SNIP1: variants seen among roughly 807,000 people sequenced by gnomAD.
SNIP1 encodes smad nuclear-interacting protein 1.
SNIP1 carries 23 observed loss-of-function variants against 37.4 expected under a neutral mutation model. That is an observed-to-expected ratio of 0.61 (90% CI 0.44 to 0.87). The LOEUF (loss-of-function observed/expected upper bound fraction) is 0.87. Ranked by LOEUF, SNIP1 falls within the 40% of genes least tolerant of loss-of-function variation. The pLI, the probability that SNIP1 is intolerant of heterozygous loss-of-function variation, is 0.00. For synonymous variants in SNIP1, 174 were observed against 200.0 expected (o/e 0.87, Z 1.10); for missense variants, 459 against 540.4 (o/e 0.85, Z 1.49).
At chr1:37,539,760 T>C (rs1333746011) in intron 3 of SNIP1, among the ~76,000 whole-genome samples, 2 of 152,170 alleles carry the variant, frequency 1.3e-5, no homozygotes, top group Non-Finnish European at 2.9e-5. Flanking sequence ...GTGAGAATCA[T>C]CACAGATGTC....
At chr1:37,548,273 C>A (rs972723954) in intron 2 of SNIP1, among the ~76,000 whole-genome samples, 1 of 150,620 alleles carries the variant, frequency 6.6e-6, no homozygotes, top group South Asian at 2.1e-4. Context: ...CCTAATACAA[C>A]GTAAATGCTA....
chr1:37,538,065 A>G lies in SNIP1; in HGVS notation c.927-53T>C, dbSNP rs1024751244. On this transcript the variant is annotated intron_variant, in intron 3 of 3. Transcript: ENST00000296215. ...AGCAAACTTCTGCCTCAGATCATCC[A>G]GCTTCTCTAAAGCTCTTTGCTAAGA... The G allele has an allele frequency of 7.2e-6, 11 of 1,533,110 alleles. No homozygotes were observed. The African/African-American group carries it at 1.4e-4, about 19-fold the overall frequency. 95.0% of individuals were successfully genotyped at this position (1,533,110 alleles called of 1,614,324 possible).
At chr1:37,553,869 G>A (rs753105512) in intron 1 of SNIP1, 137 bp downstream of exon 1, 71 of 847,730 alleles carry the variant, frequency 8.4e-5, no homozygotes, top group Non-Finnish European at 1.2e-4. Context: ...AGCACGACTG[G>A]ATCACTCTCA....
intron 2 of SNIP1, among the ~76,000 whole-genome samples, chr1:37,551,285 A>G (rs955428119): frequency 2.0e-5 from 3 of 151,278 alleles, no homozygotes; most frequent in Non-Finnish European, 4.4e-5. Context: ...AAAAAAAAAA[A>G]GGAAAACGCA....
rs755996434 is a variant in SNIP1 at position 37,540,650 on chromosome 1, C to A, written c.433G>T (p.Gly145Cys). 1 of 1,614,106 alleles carries A rather than the reference C, an allele frequency of 6.2e-7. No homozygotes were observed. The highest frequency in any genetic ancestry group is 2.2e-5 in the East Asian group (1 of 44,878). ...ARNSDRDRHR[G>C]HSHQRRTSNE... Reference sequence around the variant, plus strand: ...GACGTTCTCCTTTGGTGGGAATGGCCCCGGTGTCTGTCCCGGTCACTGTTC... The same window carrying A: ...GACGTTCTCCTTTGGTGGGAATGGCACCGGTGTCTGTCCCGGTCACTGTTC... The change falls in exon 3 of 4, where the codon GGC becomes TGC. Residue 145 changes from glycine to cysteine, a missense_variant. Coordinates refer to ENST00000296215, the MANE Select transcript of SNIP1 (RefSeq NM_024700.4). This position sits in a 1 kb window ranked among gnomAD's most constrained non-coding sequence, Gnocchi z 5.6.
intron 2 of SNIP1, among the ~76,000 whole-genome samples, chr1:37,546,656 G>A (rs777744249): frequency 2.0e-5 from 3 of 152,094 alleles, no homozygotes; most frequent in Non-Finnish European, 2.9e-5. Context: ...CCTGGGTGAC[G>A]GAGTGAGACT....
rs2148111485 is a variant in SNIP1, at chr1:37,537,631, AG to A, written c.*116del. The A allele has an allele frequency of 9.5e-7, 1 of 1,056,028 alleles. No individual in the cohort carries two copies. The highest frequency in any genetic ancestry group is 1.4e-6 in the Non-Finnish European group (1 of 718,292). The allele number at this position is 1,056,028 out of a possible 1,614,324, so 65.4% of individuals were successfully genotyped here. On this transcript the variant is annotated 3_prime_UTR_variant, in exon 4 of 4. Transcript: ENST00000296215. ...CAGCAACAGAGGAAAGACTTAAGGC[AG>A]TAAGAGGCATTACAGAGAGCACCAT...
At position 37,552,627 on chromosome 1, in the gene SNIP1, A is replaced by G; in HGVS notation, c.327+18T>C. The G allele has an allele frequency of 6.2e-7, 1 of 1,606,134 alleles. No homozygotes were observed. Among genetic ancestry groups the G allele is most frequent in the Non-Finnish European group, 8.5e-7 (1 of 1,172,776 alleles). On this transcript the variant is annotated intron_variant, in intron 2 of 3. Coordinates refer to ENST00000296215, the MANE Select transcript of SNIP1 (RefSeq NM_024700.4). ...AGGCTCTCAATTTGGACCCATCAAA[A>G]CACCCCAATCCACTTACCTGCTTCA...
intron 2 of SNIP1, 88 bp downstream of exon 2, chr1:37,552,557 C>T: frequency 9.0e-7 from 1 of 1,107,900 alleles, no homozygotes; most frequent in Non-Finnish European, 1.4e-6. Flanking sequence ...CATGTGTGCA[C>T]ACACACAACA....
At chr1:37,550,054 C>CAAA (rs1213637818) in intron 2 of SNIP1, among the ~76,000 whole-genome samples, 1 of 151,306 alleles carries the variant, frequency 6.6e-6, no homozygotes, top group South Asian at 2.1e-4. Context: ...AAAACAAAAA[C>CAAA]AAAACAAAAC....
Position 37,554,232 on chromosome 1 carries a change from T to C in SNIP1, c.-3A>G. 6 of 1,592,008 alleles carry C rather than the reference T, an allele frequency of 3.8e-6. No individual in the cohort carries two copies. The highest frequency in any genetic ancestry group is 5.1e-6 in the Non-Finnish European group (6 of 1,166,988). On this transcript the variant is annotated 5_prime_UTR_variant, in exon 1 of 4. Coordinates refer to ENST00000296215, the MANE Select transcript of SNIP1 (RefSeq NM_024700.4). ...CGTTCGCTCTTCACCGCCTTCATTC[T>C]GTGATTTTGGCTGGGCGAAAGAAAA...
intron 1 of SNIP1, among the ~76,000 whole-genome samples, chr1:37,553,414 A>AT (rs540796278): frequency 9.2e-5 from 14 of 152,088 alleles, no homozygotes; most frequent in Non-Finnish European, 1.5e-4. Context: ...TATTTTGTTT[A>AT]TTTTTTTATC....
At chr1:37,553,876 C>G in intron 1 of SNIP1, 130 bp downstream of exon 1, 1 of 927,928 alleles carries the variant, frequency 1.1e-6, no homozygotes, top group Non-Finnish European at 1.7e-6. Flanking sequence ...CTGGATCACT[C>G]TCAACAGCCC....
intron 2 of SNIP1, among the ~76,000 whole-genome samples, chr1:37,549,551 A>T (rs1209974140): frequency 6.6e-6 from 1 of 152,066 alleles, no homozygotes; most frequent in East Asian, 1.9e-4. Context: ...AGTAGCTGGG[A>T]CCACAGGCAT....
At position 37,540,220 on chromosome 1, in the gene SNIP1, C is replaced by A. The variant is rs751582496; in HGVS notation, c.863G>T (p.Arg288Leu). ...GTGATCAATTGGAATGTCTGCAATG[C>A]GGCGGTGTCGACCCAGTAGGTACGC... ...QSAYLLGRHR[R>L]IADIPIDHPS... The change falls in exon 3 of 4, where the codon CGC becomes CTC. Residue 288 changes from arginine (R) to leucine (L), a missense_variant. Arg to Leu is a moderately radical substitution (Grantham distance 102). Transcript: ENST00000296215. This position sits in a 1 kb window ranked among gnomAD's most constrained non-coding sequence, Gnocchi z 5.6. 6.2e-7 allele frequency: 1 copy of A among 1,611,248 alleles called. No individual in the cohort carries two copies. Among genetic ancestry groups the A allele is most frequent in the Admixed American group, 1.7e-5 (1 of 59,900 alleles).
At chr1:37,538,986 T>C (rs1339285842) in intron 3 of SNIP1, among the ~76,000 whole-genome samples, 8 of 152,088 alleles carry the variant, frequency 5.3e-5, no homozygotes, top group Non-Finnish European at 4.4e-5. Flanking sequence ...ATGAACCCTA[T>C]TGTGAACTGT....
Position 37,540,323 on chromosome 1 carries a change from T to C in SNIP1, c.760A>G (p.Ile254Val), listed in dbSNP as rs1643158161. The C allele has an allele frequency of 1.9e-6, 3 of 1,614,166 alleles. No individual in the cohort carries two copies. Among genetic ancestry groups the C allele is most frequent in the Non-Finnish European group, 2.5e-6 (3 of 1,180,022 alleles). The change falls in exon 3 of 4, where the codon ATC (isoleucine) becomes GTC (valine). Residue 254 changes from isoleucine (I) to valine (V), a missense_variant. Transcript: ENST00000296215. This position sits in a 1 kb window ranked among gnomAD's most constrained non-coding sequence, Gnocchi z 5.6. ...IKYSEPPEAR[I>V]PKKRWRLYPF... ...TAGAGACGCCACCGTTTTTTGGGGA[T>C]ACGTGCTTCTGGGGGCTCACTATAT...
At chr1:37,546,145 ACC>A (rs34099617) in intron 2 of SNIP1, among the ~76,000 whole-genome samples, 10,782 of 124,864 alleles carry the variant, frequency 0.086, 532 homozygotes, top group South Asian at 0.17. Flanking sequence ...TGGGACTAAG[ACC>A]CCCCCCCCCC....
intron 3 of SNIP1, among the ~76,000 whole-genome samples, chr1:37,539,733 C>T (rs955183511): frequency 6.6e-6 from 1 of 152,078 alleles, no homozygotes; most frequent in Non-Finnish European, 1.5e-5. Flanking sequence ...CTATCCTATC[C>T]TTCTCACAGG....
Sources: gnomAD v4.1 joint callset for allele counts (sites outside exome capture counted in the v4.1 genomes callset) on GRCh38, gnomAD v4.1.1 for gene constraint, Gnocchi (gnomAD v3.1) non-coding constraint, MANE v1.5 for transcripts, NCBI Gene and HGNC (gene_info 2026-07-23, HGNC 2026-07-21) for gene names.